The following FRMPD2 variants were observed in gnomAD, a reference collection of about 807,000 sequenced individuals.
The protein encoded by FRMPD2 is FERM and PDZ domain containing 2, also known as FERM and PDZ domain-containing protein 2.
A neutral mutation model predicts 140.1 loss-of-function variants in FRMPD2; 96 were observed. The ratio of observed to expected loss-of-function variants is 0.69; its 90% CI spans 0.58 to 0.81. FRMPD2 has a LOEUF of 0.81. Among genes scored for constraint, FRMPD2 ranks in the 40% least tolerant of loss-of-function variants. FRMPD2 has a pLI of 0.00. For synonymous variants in FRMPD2, 449 were observed against 547.6 expected (o/e 0.82, Z 2.52); for missense variants, 1,240 against 1,447.4 (o/e 0.86, Z 2.32).
intron 12 of FRMPD2, among the ~76,000 whole-genome samples, chr10:48,220,793 A>G (rs1839567430): frequency 6.6e-6 from 1 of 152,210 alleles, no homozygotes; most frequent in South Asian, 2.1e-4. Flanking sequence ...TGAATAGACA[A>G]TTCTCAAAAG....
intron 10 of FRMPD2, among the ~76,000 whole-genome samples, chr10:48,227,108 A>C (rs1839741070): frequency 1.3e-5 from 2 of 152,160 alleles, no homozygotes; most frequent in South Asian, 4.1e-4. Context: ...AGAAGGTAAA[A>C]ATTTTTTCTT....
intron 2 of FRMPD2, among the ~76,000 whole-genome samples, chr10:48,250,856 GCAC>G (rs1840361989): frequency 6.7e-6 from 1 of 149,362 alleles, no homozygotes; most frequent in Admixed American, 6.7e-5. Flanking sequence ...GAGGGCAGTG[GCAC>G]AATCTTGGCT....
At chr10:48,248,869 A>G in intron 3 of FRMPD2, 152 bp downstream of exon 3, 1 of 552,300 alleles carries the variant, frequency 1.8e-6, no homozygotes. Flanking sequence ...GTTGACAAGA[A>G]ATCCTGGGAA....
chr10:48,202,676 C>T (rs917309627), intron 14 of FRMPD2, among the ~76,000 whole-genome samples: 1 of 152,238 alleles, frequency 6.6e-6, no homozygotes, highest in Non-Finnish European at 1.5e-5. Flanking sequence ...ATTTCATCCA[C>T]ACTTTTTCAA....
intron 3 of FRMPD2, among the ~76,000 whole-genome samples, chr10:48,246,441 T>TG (rs1840249698): frequency 6.6e-6 from 1 of 152,198 alleles, no homozygotes. Context: ...ACACTGCCAG[T>TG]AGAGGCTGGT....
chr10:48,201,613 T>A (rs969555220), intron 14 of FRMPD2: 6 of 411,836 alleles, frequency 1.5e-5, no homozygotes, highest in African/African-American at 1.0e-4. Flanking sequence ...AAACAATAAC[T>A]ATTTTTCAAG....
At chr10:48,243,228 C>A (rs1022118846) in intron 4 of FRMPD2, among the ~76,000 whole-genome samples, 13 of 152,182 alleles carry the variant, frequency 8.5e-5, no homozygotes, top group East Asian at 1.9e-4. Context: ...CTAAAAGAGA[C>A]AAAGACCATA....
chr10:48,202,957 T>C (rs1839123303), intron 14 of FRMPD2, among the ~76,000 whole-genome samples: 1 of 152,036 alleles, frequency 6.6e-6, no homozygotes, highest in African/African-American at 2.4e-5. Flanking sequence ...GGCACCACCA[T>C]ACCCAGCTAA....
chr10:48,263,166 A>T (rs773023746), intron 1 of FRMPD2, among the ~76,000 whole-genome samples: 2 of 152,200 alleles, frequency 1.3e-5, no homozygotes, highest in Non-Finnish European at 2.9e-5. Context: ...CAATGAAGGA[A>T]GTACTTATAC....
chr10:48,210,022 A>G (rs1293313680), intron 13 of FRMPD2, among the ~76,000 whole-genome samples: 1 of 152,248 alleles, frequency 6.6e-6, no homozygotes, highest in Non-Finnish European at 1.5e-5. Flanking sequence ...ATACATATAT[A>G]TATGAATGCA....
At chr10:48,236,392 G>A in intron 9 of FRMPD2, 90 bp downstream of exon 9, 1 of 1,067,576 alleles carries the variant, frequency 9.4e-7, no homozygotes, top group East Asian at 2.4e-5. Flanking sequence ...GTGTTCCCAT[G>A]TGAGACCCCA....
At chr10:48,185,875 C>T (rs1422779134) in intron 17 of FRMPD2, among the ~76,000 whole-genome samples, 1 of 152,192 alleles carries the variant, frequency 6.6e-6, no homozygotes, top group Non-Finnish European at 1.5e-5. Context: ...TGCTCAAGTT[C>T]CAGCTTAAAG....
At chr10:48,272,781 ACT>A (rs1840792568) in intron 1 of FRMPD2, among the ~76,000 whole-genome samples, 1 of 152,166 alleles carries the variant, frequency 6.6e-6, no homozygotes. Context: ...TTGGGAAAAC[ACT>A]CTTCCAAATT....
chr10:48,268,394 T>C (rs1365736614), intron 1 of FRMPD2, among the ~76,000 whole-genome samples: 1 of 152,100 alleles, frequency 6.6e-6, no homozygotes, highest in Non-Finnish European at 1.5e-5. Context: ...TTCTGTGCAC[T>C]TATCCCAGAG....
At chr10:48,273,181 T>C (rs1323966036) in intron 1 of FRMPD2, among the ~76,000 whole-genome samples, 4 of 152,244 alleles carry the variant, frequency 2.6e-5, no homozygotes, top group African/African-American at 4.8e-5. Flanking sequence ...TCCCCTTCTC[T>C]ACATTCCACT....
At chr10:48,214,574 CT>C (rs1009513827) in intron 12 of FRMPD2, among the ~76,000 whole-genome samples, 3 of 152,168 alleles carry the variant, frequency 2.0e-5, no homozygotes, top group Non-Finnish European at 4.4e-5. Flanking sequence ...TTCAAATTTA[CT>C]GTGAATCTAA....
intron 13 of FRMPD2, among the ~76,000 whole-genome samples, chr10:48,211,284 G>A (rs1839317897): frequency 6.6e-6 from 1 of 152,244 alleles, no homozygotes; most frequent in African/African-American, 2.4e-5. Context: ...CCCCGCTGGT[G>A]AAGAGACGGT....
intron 14 of FRMPD2, among the ~76,000 whole-genome samples, chr10:48,203,690 A>C (rs950231260): frequency 2.0e-5 from 3 of 152,214 alleles, no homozygotes; most frequent in African/African-American, 7.2e-5. Flanking sequence ...AAATACAAAT[A>C]ACATTTTTCT....
intron 1 of FRMPD2, 77 bp from the exon 2 acceptor site, chr10:48,251,768 T>C (rs528986677): frequency 6.4e-7 from 1 of 1,569,394 alleles, no homozygotes; most frequent in Admixed American, 1.7e-5. Context: ...GCCACTCTGG[T>C]GCAGCCAGGC....
Sources: gnomAD v4.1 joint callset for allele counts (sites outside exome capture counted in the v4.1 genomes callset) on GRCh38, gnomAD v4.1.1 for gene constraint, MANE v1.5 for transcripts, NCBI Gene and HGNC (gene_info 2026-07-23, HGNC 2026-07-21) for gene names.